The following MYO1D variants were observed in gnomAD, a reference collection of about 807,000 sequenced individuals.
MYO1D encodes myosin ID, also known as unconventional myosin-Id.
MYO1D carries 83 observed loss-of-function variants against 122.0 expected under a neutral mutation model. That is an observed-to-expected ratio of 0.68 (90% CI 0.57 to 0.82). The LOEUF (loss-of-function observed/expected upper bound fraction) is 0.82. MYO1D is among the 40% of genes least tolerant of loss of function. MYO1D has a pLI of 0.00. For missense variants in MYO1D, 1,157 were observed against 1,269.5 expected (o/e 0.91, Z 1.35); for synonymous variants, 464 against 446.9 (o/e 1.04, Z -0.48).
intron 16 of MYO1D, among the ~76,000 whole-genome samples, chr17:32,704,719 G>T (rs1170334778): frequency 6.6e-6 from 1 of 152,176 alleles, no homozygotes; most frequent in Non-Finnish European, 1.5e-5. Context: ...ACCTGTGAGA[G>T]TGAAGAATTG....
At chr17:32,614,912 G>A (rs2087752327) in intron 20 of MYO1D, among the ~76,000 whole-genome samples, 1 of 152,218 alleles carries the variant, frequency 6.6e-6, no homozygotes, top group Non-Finnish European at 1.5e-5. Flanking sequence ...GGCCAGACAA[G>A]TGAGTGTATG....
intron 20 of MYO1D, among the ~76,000 whole-genome samples, chr17:32,623,909 C>T (rs1266246234): frequency 6.6e-6 from 1 of 152,182 alleles, no homozygotes; most frequent in Non-Finnish European, 1.5e-5. Flanking sequence ...GTAGAAACCT[C>T]CCAAAGGTCC....
intron 21 of MYO1D, among the ~76,000 whole-genome samples, chr17:32,546,777 T>C (rs1419959279): frequency 6.6e-6 from 1 of 152,242 alleles, no homozygotes; most frequent in Non-Finnish European, 1.5e-5. Flanking sequence ...AAGGTAGTAC[T>C]GCAAATCAGT....
intron 21 of MYO1D, among the ~76,000 whole-genome samples, chr17:32,590,551 T>C (rs1345463593): frequency 6.6e-6 from 1 of 152,212 alleles, no homozygotes; most frequent in Non-Finnish European, 1.5e-5. Context: ...GTATCCCTCC[T>C]ACCACCCGCA....
At chr17:32,667,403 A>G (rs926924612) in intron 16 of MYO1D, among the ~76,000 whole-genome samples, 1 of 152,232 alleles carries the variant, frequency 6.6e-6, no homozygotes, top group African/African-American at 2.4e-5. Flanking sequence ...TGTAACAAGA[A>G]GAAAATATAA....
At chr17:32,615,527 T>C (rs992445111) in intron 20 of MYO1D, among the ~76,000 whole-genome samples, 4 of 152,180 alleles carry the variant, frequency 2.6e-5, no homozygotes, top group Non-Finnish European at 2.9e-5. Context: ...TCTGCTCTCA[T>C]GTAAAATTTA....
intron 21 of MYO1D, among the ~76,000 whole-genome samples, chr17:32,585,392 T>A (rs2087377340): frequency 6.6e-6 from 1 of 152,094 alleles, no homozygotes; most frequent in Admixed American, 6.6e-5. Context: ...ACTATGAAAA[T>A]TTTATGTGAA....
intron 16 of MYO1D, among the ~76,000 whole-genome samples, chr17:32,691,801 T>C (rs943458407): frequency 6.6e-6 from 1 of 152,178 alleles, no homozygotes; most frequent in Non-Finnish European, 1.5e-5. Flanking sequence ...TAGAGGCAAA[T>C]ATAATTTTTA....
chr17:32,681,350 T>C (rs1430525330), intron 16 of MYO1D, among the ~76,000 whole-genome samples: 1 of 141,140 alleles, frequency 7.1e-6, no homozygotes, highest in African/African-American at 2.7e-5. Context: ...TGTTAGGGTG[T>C]CAATTTTGGA....
chr17:32,611,242 G>A (rs1364177545), intron 20 of MYO1D, among the ~76,000 whole-genome samples: 3 of 152,154 alleles, frequency 2.0e-5, no homozygotes, highest in Non-Finnish European at 4.4e-5. Flanking sequence ...CGAAATCAGC[G>A]CAAAACAGAC....
At chr17:32,841,589 T>A (rs1274031240) in intron 1 of MYO1D, among the ~76,000 whole-genome samples, 1 of 152,138 alleles carries the variant, frequency 6.6e-6, no homozygotes, top group Non-Finnish European at 1.5e-5. Context: ...AAATAATAGG[T>A]GTCTACTACA....
chr17:32,866,660 C>T (rs1168136516), intron 1 of MYO1D, among the ~76,000 whole-genome samples: 1 of 152,230 alleles, frequency 6.6e-6, no homozygotes, highest in Non-Finnish European at 1.5e-5. Flanking sequence ...CAACCTAACT[C>T]AATCTCTAGT....
chr17:32,654,060 CT>C, intron 18 of MYO1D, 113 bp from the exon 19 acceptor site: 1 of 753,404 alleles, frequency 1.3e-6, no homozygotes, highest in Non-Finnish European at 2.1e-6. Flanking sequence ...CACATGCACT[CT>C]TTATCTCCTC....
intron 21 of MYO1D, among the ~76,000 whole-genome samples, chr17:32,513,411 CAT>C (rs1909763520): frequency 6.6e-6 from 1 of 152,096 alleles, no homozygotes; most frequent in Admixed American, 6.5e-5. Flanking sequence ...GTTTTGAGCT[CAT>C]GTGATGGAGA....
At chr17:32,516,529 T>C (rs1909896588) in intron 21 of MYO1D, among the ~76,000 whole-genome samples, 1 of 152,246 alleles carries the variant, frequency 6.6e-6, no homozygotes, top group Non-Finnish European at 1.5e-5. Flanking sequence ...CCCCATTTTC[T>C]CTGGAATCAC....
Position 32,747,824 on chromosome 17 carries a change from G to A in MYO1D, c.1538+1112C>T, listed in dbSNP as rs1014322152. Among the ~76,000 whole-genome samples, 25 of 151,290 alleles carry A rather than the reference G, an allele frequency of 1.7e-4. 1 individual carries two copies. Among genetic ancestry groups the A allele is most frequent in the African/African-American group, 6.1e-4 (25 of 41,168 alleles). On this transcript the variant is annotated intron_variant, in intron 12 of 21. Coordinates refer to ENST00000318217, the MANE Select transcript of MYO1D (RefSeq NM_015194.3). ...TGGACTCCAGCCTGGGTGACAGAGC[G>A]AGACTCCATCTCAAAAAAAAGGAAA...
At chr17:32,513,929 A>G (rs761292503) in intron 21 of MYO1D, among the ~76,000 whole-genome samples, 7 of 151,538 alleles carry the variant, frequency 4.6e-5, no homozygotes, top group Non-Finnish European at 1.0e-4. Flanking sequence ...GACTACAGGC[A>G]TACACCACCA....
chr17:32,716,243 T>A (rs1567963205), intron 15 of MYO1D, among the ~76,000 whole-genome samples: 2 of 152,350 alleles, frequency 1.3e-5, no homozygotes, highest in South Asian at 2.1e-4. Context: ...CATCCTTTAG[T>A]CTTTTCTTGA....
At chr17:32,595,391 AT>A (rs1310109369) in intron 21 of MYO1D, among the ~76,000 whole-genome samples, 1 of 152,198 alleles carries the variant, frequency 6.6e-6, no homozygotes, top group Non-Finnish European at 1.5e-5. Flanking sequence ...AATTACCTTG[AT>A]TTGATCATTA....
Sources: allele counts gnomAD v4.1 joint callset (sites outside exome capture counted in the v4.1 genomes callset), GRCh38; gene constraint gnomAD v4.1.1; transcripts MANE v1.5; gene names NCBI Gene and HGNC (gene_info 2026-07-23, HGNC 2026-07-21).